AGO2: variants seen among roughly 807,000 people sequenced by gnomAD.
AGO2 encodes the protein argonaute RISC catalytic component 2, also known as protein argonaute-2.
AGO2 carries 5 observed loss-of-function variants against 102.3 expected under a neutral mutation model. The ratio of observed to expected loss-of-function variants is 0.05; its 90% CI spans 0.03 to 0.10. AGO2 has a LOEUF of 0.10. AGO2 is among the 10% of genes least tolerant of loss of function. AGO2 has a pLI of 1.00. For missense variants in AGO2, 541 were observed against 1,183.7 expected (o/e 0.46, Z 7.97); for synonymous variants, 449 against 473.1 (o/e 0.95, Z 0.66).
At chr8:140,627,510 AAAC>A (rs1376152044) in intron 1 of AGO2, among the ~76,000 whole-genome samples, 1 of 152,224 alleles carries the variant, frequency 6.6e-6, no homozygotes, top group African/African-American at 2.4e-5. Context: ...ATGACGTGGA[AAAC>A]AACAACATTG....
chr8:140,534,222 C>G (rs1002585057), intron 17 of AGO2, among the ~76,000 whole-genome samples: 1 of 152,234 alleles, frequency 6.6e-6, no homozygotes, highest in Non-Finnish European at 1.5e-5. Flanking sequence ...GCTAAGGACA[C>G]AGCAGCAGTG....
At chr8:140,638,308 G>C (rs1206479069), upstream of AGO2, 1 of 152,240 alleles carries the variant, frequency 6.6e-6, no homozygotes, top group Admixed American at 6.5e-5. Flanking sequence ...GATTAAAGCA[G>C]CTTTGGGAAG....
intron 1 of AGO2, among the ~76,000 whole-genome samples, chr8:140,618,620 T>C (rs2074173548): frequency 6.6e-6 from 1 of 152,080 alleles, no homozygotes; most frequent in Non-Finnish European, 1.5e-5. Context: ...CACCCATGTA[T>C]AGAAATGTGT....
chr8:140,549,118 C>T lies in AGO2; in HGVS notation c.1584G>A (p.Val528=). 1 of 1,606,942 alleles carries T rather than the reference C, an allele frequency of 6.2e-7. No individual in the cohort carries two copies. Among genetic ancestry groups the T allele is most frequent in the Non-Finnish European group, 8.5e-7 (1 of 1,176,906 alleles). ...VVVILPGKTP[V]YAEVKRVGDT... is the part of the protein sequence containing the mutation. ...AGCGGGAGCGCCCACACCTACCGTA[C>T]ACGGGCGTCTTGCCGGGCAGGATGA... The change falls in exon 12 of 19, where the codon GTG becomes GTA. Residue 528 remains valine (V), a synonymous_variant. Transcript: ENST00000220592.
chr8:140,597,135 T>G (rs910257319), intron 1 of AGO2, among the ~76,000 whole-genome samples: 1 of 152,210 alleles, frequency 6.6e-6, no homozygotes, highest in Admixed American at 6.5e-5. Context: ...GAAGAGCTGT[T>G]TCGTTCATTT....
At chr8:140,555,866 G>A (rs188978854) in intron 10 of AGO2, 30 bp downstream of exon 10, 23 of 1,604,828 alleles carry the variant, frequency 1.4e-5, no homozygotes, top group Non-Finnish European at 1.8e-5. Flanking sequence ...ATGCCCCGCA[G>A]CCACACGTTC....
At chr8:140,591,980 C>T (rs1285475525) in intron 1 of AGO2, 1 of 152,094 alleles carries the variant, frequency 6.6e-6, no homozygotes, top group Non-Finnish European at 1.5e-5. Flanking sequence ...ATTAGCCAGG[C>T]ATGGTGGCAG....
upstream of AGO2, among the ~76,000 whole-genome samples, chr8:140,640,290 G>A (rs533321979): frequency 5.3e-5 from 8 of 152,304 alleles, no homozygotes; most frequent in Admixed American, 2.6e-4. Flanking sequence ...GATTACAGGC[G>A]TGAGCCACCA....
chr8:140,576,667 A>T (rs2073468963), intron 2 of AGO2, among the ~76,000 whole-genome samples: 1 of 152,252 alleles, frequency 6.6e-6, no homozygotes, highest in South Asian at 2.1e-4. Flanking sequence ...AGGCTGATGC[A>T]ACTGCTTTGG....
Position 140,572,834 on chromosome 8 carries a change from G to C in AGO2, c.314C>G (p.Pro105Arg). 1 of 1,613,802 alleles carries C rather than the reference G, an allele frequency of 6.2e-7. No individual in the cohort carries two copies. The highest frequency in any genetic ancestry group is 8.5e-7 in the Non-Finnish European group (1 of 1,179,942). Residue 105 changes from proline to arginine, a missense_variant, in exon 3 of 19, where the codon CCC becomes CGC. Physicochemically the swap from Pro to Arg is moderately radical, Grantham distance 103. This residue lies in a region of AGO2 where 147 missense variants were observed against 204.1 expected (regional missense o/e 0.72). Coordinates refer to ENST00000220592, the MANE Select transcript of AGO2 (RefSeq NM_012154.5). ...TACCTTGTCCCTCCCAATCGGAAGGGGCATGGCTGTGTATAGATTCTTCCT... is the reference window on the plus strand; with the variant it reads ...TACCTTGTCCCTCCCAATCGGAAGGCGCATGGCTGTGTATAGATTCTTCCT... ...DGRKNLYTAM[P>R]LPIGRDKVEL...
chr8:140,553,842 G>A (rs1318725200), intron 10 of AGO2, among the ~76,000 whole-genome samples: 1 of 152,122 alleles, frequency 6.6e-6, no homozygotes, highest in Non-Finnish European at 1.5e-5. Flanking sequence ...GGGATTACAG[G>A]CGCATGCCAC....
In AGO2 at chr8:140,557,705, A is replaced by AG. The variant is rs1168487040; in HGVS notation, c.879-470dup. 6.6e-6 allele frequency among the ~76,000 whole-genome samples: 1 copy of AG among 152,132 alleles called. No individual in the cohort carries two copies. Among genetic ancestry groups the AG allele is most frequent in the African/African-American group, 2.4e-5 (1 of 41,432 alleles). ...CGCCTGGGTGCAGTATGGGTGAGTGAGGGGGAGGCCCACAGGCACAGGAAG... is the reference window on the plus strand; with the variant it reads ...CGCCTGGGTGCAGTATGGGTGAGTGAGGGGGGAGGCCCACAGGCACAGGAAG... On this transcript the variant is annotated intron_variant, in intron 7 of 18. Transcript: ENST00000220592. This position sits in a 1 kb window ranked among gnomAD's most constrained non-coding sequence, Gnocchi z 5.9.
chr8:140,609,913 A>T (rs2074053525), intron 1 of AGO2, among the ~76,000 whole-genome samples: 1 of 150,854 alleles, frequency 6.6e-6, no homozygotes, highest in African/African-American at 2.4e-5. Context: ...GACTACATCG[A>T]CCAGGCATGG....
chr8:140,558,511 C>A lies in AGO2; in HGVS notation c.852G>T (p.Val284=). Residue 284 remains valine (V), a synonymous_variant, in exon 7 of 19, where the codon GTG becomes GTT. Transcript: ENST00000220592. ...QMKRKYRVCN[V]TRRPASHQTF... Reference sequence around the variant, plus strand: ...TTTGGTGACTGGCGGGCCGCCGGGTCACATTGCAGACGCGGTACTTCCTCT... The same window carrying A: ...TTTGGTGACTGGCGGGCCGCCGGGTAACATTGCAGACGCGGTACTTCCTCT... 1 of 1,614,196 alleles carries A rather than the reference C, an allele frequency of 6.2e-7. No individual in the cohort carries two copies. The highest frequency in any genetic ancestry group is 8.5e-7 in the Non-Finnish European group (1 of 1,180,030).
Position 140,567,103 on chromosome 8 carries a change from G to A in AGO2, c.337-4469C>T, listed in dbSNP as rs1245874455. 3.9e-5 allele frequency among the ~76,000 whole-genome samples: 6 copies of A among 152,236 alleles called. No homozygotes were observed. The highest frequency in any genetic ancestry group is 2.0e-4 in the Admixed American group (3 of 15,286). On this transcript the variant is annotated intron_variant, in intron 3 of 18. Transcript: ENST00000220592. The surrounding 1 kb of genome is among the most constrained non-coding windows in gnomAD (Gnocchi z 5.0). ...AAACCTCTGTAGTCAACACCGAGGG[G>A]CAATGGCAAGGGGTCTATTTTCCCA...
chr8:140,594,758 G>A (rs555603441), intron 1 of AGO2, among the ~76,000 whole-genome samples: 6 of 152,080 alleles, frequency 3.9e-5, no homozygotes, highest in South Asian at 2.1e-4. Context: ...GCAGTGATCC[G>A]AGATCACACC....
In AGO2 at chr8:140,540,429, G is replaced by A. The variant is rs1021826353; in HGVS notation, c.2034+735C>T. ...GCTAACACCTCCCAAGGAAGCGACC[G>A]TGTGGCATGGCGAGGGGTGGGGAGG... On this transcript the variant is annotated intron_variant, in intron 15 of 18. Coordinates refer to ENST00000220592, the MANE Select transcript of AGO2 (RefSeq NM_012154.5). This position sits in a 1 kb window ranked among gnomAD's most constrained non-coding sequence, Gnocchi z 5.0. Among the ~76,000 whole-genome samples, 2 of 152,198 alleles carry A rather than the reference G, an allele frequency of 1.3e-5. No homozygotes were observed. The highest frequency in any genetic ancestry group is 2.9e-5 in the Non-Finnish European group (2 of 68,022).
At position 140,540,229 on chromosome 8, in the gene AGO2, T is replaced by C. The variant is rs2072772630; in HGVS notation, c.2035-775A>G. On this transcript the variant is annotated intron_variant, in intron 15 of 18. Transcript: ENST00000220592. This position sits in a 1 kb window ranked among gnomAD's most constrained non-coding sequence, Gnocchi z 5.0. ...CATGGGTCTCGGGAACGAGCTCTGC[T>C]TCCGCTCTGGACTGGGAAGGCAAAT... is the stretch of plus-strand genomic sequence containing the variant. 6.6e-6 allele frequency among the ~76,000 whole-genome samples: 1 copy of C among 152,204 alleles called. No homozygotes were observed. Among genetic ancestry groups the C allele is most frequent in the East Asian group, 1.9e-4 (1 of 5,172 alleles).
At chr8:140,580,664 G>A (rs1010339347) in intron 2 of AGO2, among the ~76,000 whole-genome samples, 8 of 152,218 alleles carry the variant, frequency 5.3e-5, no homozygotes, top group African/African-American at 7.2e-5. Context: ...ATGTGTGAGC[G>A]GGGGGTCTCA....
Sources: gnomAD v4.1 joint callset for allele counts (sites outside exome capture counted in the v4.1 genomes callset) on GRCh38, gnomAD v4.1.1 for gene constraint, gnomAD v4.1.1 regional missense constraint, Gnocchi (gnomAD v3.1) non-coding constraint, MANE v1.5 for transcripts, NCBI Gene and HGNC (gene_info 2026-07-23, HGNC 2026-07-21) for gene names.